Variants in BRD7 observed in about 807,000 individuals in gnomAD.
BRD7 encodes the protein bromodomain containing 7.
A neutral mutation model predicts 82.1 loss-of-function variants in BRD7; 15 were observed. The ratio of observed to expected loss-of-function variants is 0.18; its 90% CI spans 0.12 to 0.28. BRD7 has a LOEUF of 0.28. BRD7 is among the 10% of genes least tolerant of loss of function. BRD7 has a pLI of 1.00. For missense variants in BRD7, 638 were observed against 779.9 expected (o/e 0.82, Z 2.17); for synonymous variants, 232 against 266.9 (o/e 0.87, Z 1.27).
chr16:50,319,803 C>T lies in BRD7; in HGVS notation c.1900+84G>A, dbSNP rs547022413. The stretch of plus-strand genomic sequence containing the variant: ...GTGGGGTAAATACCAAATCCGAGGT[C>T]CTGATACCAATCTCGGGCAGACACT... On this transcript the variant is annotated intron_variant, in intron 16 of 16. Coordinates refer to ENST00000394688, the MANE Select transcript of BRD7 (RefSeq NM_013263.5). The T allele has an allele frequency of 2.6e-6, 4 of 1,518,032 alleles. No individual in the cohort carries two copies. The East Asian group carries it at 6.8e-5, about 26-fold the overall frequency. 94.0% of individuals were successfully genotyped at this position (1,518,032 alleles called of 1,614,324 possible).
intron 2 of BRD7, among the ~76,000 whole-genome samples, chr16:50,361,627 A>G (rs2038939621): frequency 6.6e-6 from 1 of 152,156 alleles, no homozygotes; most frequent in Admixed American, 6.5e-5. Context: ...CTGTTACCAG[A>G]TTTATGTTAC....
At chr16:50,368,536 G>A (rs559059737) in intron 1 of BRD7, 190 bp downstream of exon 1, 4 of 708,610 alleles carry the variant, frequency 5.6e-6, no homozygotes, top group East Asian at 6.8e-5. Context: ...CACCGGACCA[G>A]GGGGACCCGG....
intron 7 of BRD7, among the ~76,000 whole-genome samples, chr16:50,334,087 AG>A (rs1400272409): frequency 6.6e-6 from 1 of 152,264 alleles, no homozygotes; most frequent in Non-Finnish European, 1.5e-5. Context: ...ACTTGTCACT[AG>A]TTTACTTTCT....
chr16:50,349,520 T>C, intron 5 of BRD7: 1 of 468,918 alleles, frequency 2.1e-6, no homozygotes, highest in Non-Finnish European at 4.4e-6. Flanking sequence ...CCAGTACGAT[T>C]GTAAGTTTCC....
At chr16:50,355,043 A>G in intron 2 of BRD7, 121 bp from the exon 3 acceptor site, 8 of 1,227,828 alleles carry the variant, frequency 6.5e-6, no homozygotes, top group Non-Finnish European at 9.0e-6. Context: ...TAACAAGCTC[A>G]ATGTACTTTA....
chr16:50,368,646 G>GC, intron 1 of BRD7, 80 bp downstream of exon 1: 1 of 1,443,400 alleles, frequency 6.9e-7, no homozygotes. Context: ...GCCCCGGGCC[G>GC]CCCCGGAGCC....
intron 1 of BRD7, 103 bp from the exon 2 acceptor site, chr16:50,368,401 C>G (rs1378018875): frequency 1.6e-6 from 2 of 1,229,752 alleles, no homozygotes; most frequent in Non-Finnish European, 2.2e-6. Context: ...AAGCCCGAGG[C>G]GGCTTTGGGC....
chr16:50,323,625 TTG>T lies in BRD7; in HGVS notation c.1403_1404del (p.Thr468LysfsTer17). 1 of 1,613,888 alleles carries T rather than the reference TTG, an allele frequency of 6.2e-7. No individual in the cohort carries two copies. The highest frequency in any genetic ancestry group is 8.5e-7 in the Non-Finnish European group (1 of 1,179,764). On this transcript the variant is annotated frameshift_variant, in exon 12 of 17. Transcript: ENST00000394688. LOFTEE classifies it high-confidence loss of function. Reference protein sequence around the residue: ...VMADSLLDVLTKGGHSRTLQE... With the variant: ...VMADSLLDVLXKGGHSRTLQE... ...TGTAGGGTCCTGGAATGCCCTCCTT[TTG>T]TTAAAACATCCAGTAAACTATCTGC...
Position 50,368,786 on chromosome 16 carries a change from C to T in BRD7, c.-12G>A. 2.6e-6 allele frequency: 4 copies of T among 1,525,898 alleles called. No homozygotes were observed. Among genetic ancestry groups the T allele is most frequent in the Non-Finnish European group, 3.5e-6 (4 of 1,136,234 alleles). The allele number at this position is 1,525,898 out of a possible 1,614,324, so 94.5% of individuals were successfully genotyped here. ...TGCTTCTTGCCCATGTCCGACCGGGCCCCGGTGCCCGCCCCCCGCGCCAGG... is the reference window on the plus strand; with the variant it reads ...TGCTTCTTGCCCATGTCCGACCGGGTCCCGGTGCCCGCCCCCCGCGCCAGG... On this transcript the variant is annotated 5_prime_UTR_variant, in exon 1 of 17. Coordinates refer to ENST00000394688, the MANE Select transcript of BRD7 (RefSeq NM_013263.5).
chr16:50,323,495 A>G, intron 12 of BRD7, 92 bp downstream of exon 12: 1 of 1,082,896 alleles, frequency 9.2e-7, no homozygotes. Flanking sequence ...TTCAGCTGTC[A>G]TACTTGTTAA....
chr16:50,338,614 C>T (rs1405599789), intron 6 of BRD7, among the ~76,000 whole-genome samples: 1 of 152,240 alleles, frequency 6.6e-6, no homozygotes, highest in Non-Finnish European at 1.5e-5. Flanking sequence ...GTCTTATACC[C>T]ACTCATTTCT....
rs1000149866 is a variant in BRD7 at position 50,368,898 on chromosome 16, G to C, written c.-124C>G. On this transcript the variant is annotated 5_prime_UTR_variant, in exon 1 of 17. Transcript: ENST00000394688. Reference sequence around the variant, plus strand: ...CGCGAGACCCCGCGCCGCGAGGCAGGGGGGCGGCGCGCGCCGGGCGGCGCG... The same window carrying C: ...CGCGAGACCCCGCGCCGCGAGGCAGCGGGGCGGCGCGCGCCGGGCGGCGCG... The C allele has an allele frequency of 1.2e-5, 6 of 487,956 alleles. No homozygotes were observed. The highest frequency in any genetic ancestry group is 8.5e-5 in the South Asian group (1 of 11,832). 30.2% of individuals were successfully genotyped at this position (487,956 alleles called of 1,614,324 possible).
chr16:50,328,575 C>A lies in BRD7; in HGVS notation c.1087+94G>T, dbSNP rs1450565896. The A allele has an allele frequency of 2.9e-6, 3 of 1,037,800 alleles. No individual in the cohort carries two copies. In the African/African-American group the frequency reaches 4.8e-5, roughly 16 times the overall value. 64.3% of individuals were successfully genotyped at this position (1,037,800 alleles called of 1,614,324 possible). A position where few individuals can be genotyped will look rare whatever the true frequency, so the allele number is the denominator to read the frequency against. On this transcript the variant is annotated intron_variant, in intron 9 of 16. Coordinates refer to ENST00000394688, the MANE Select transcript of BRD7 (RefSeq NM_013263.5). ...TTTGTGCATAATGACACAGACTGAT[C>A]AATATTCAAGCTTGTTGCTTTAAAA...
intron 5 of BRD7, among the ~76,000 whole-genome samples, chr16:50,343,331 T>C (rs1287094869): frequency 3.3e-5 from 5 of 152,180 alleles, no homozygotes; most frequent in Non-Finnish European, 7.4e-5. Flanking sequence ...TGAAAGTGTG[T>C]AGTGATAGGT....
intron 5 of BRD7, among the ~76,000 whole-genome samples, chr16:50,344,596 T>C (rs9930316): frequency 0.22 from 34,060 of 152,138 alleles, 4,243 homozygotes; most frequent in African/African-American, 0.31. Flanking sequence ...CTGAAAATCA[T>C]GGCACGAGGA....
In BRD7 at chr16:50,320,016, T is replaced by C; in HGVS notation, c.1771A>G (p.Asn591Asp). ...TGCTGTGCAAGTTCTTTAAGATTAT[T>C]GGTCACTTGTTCAGCTAAAAAGAAA... ...REMHLAEQVT[N>D]NLKELAQQVT... The change falls in exon 16 of 17, where the codon AAT becomes GAT. Residue 591 changes from asparagine (N) to aspartate (D), a missense_variant. Physicochemically the swap from Asn to Asp is conservative, Grantham distance 23. Around this residue, in one of 3 missense-constraint regions of BRD7, gnomAD observed 402 missense variants for 500.8 expected, o/e 0.80. Transcript: ENST00000394688. The C allele has an allele frequency of 1.9e-6, 3 of 1,609,168 alleles. No homozygotes were observed. The highest frequency in any genetic ancestry group is 1.3e-5 in the African/African-American group (1 of 74,604).
intron 8 of BRD7, among the ~76,000 whole-genome samples, chr16:50,330,211 T>C (rs1455104007): frequency 1.3e-5 from 2 of 152,184 alleles, no homozygotes; most frequent in Non-Finnish European, 2.9e-5. Context: ...TGGGGTGATC[T>C]AAAACCTGCC....
At chr16:50,361,060 T>A (rs1348139879) in intron 2 of BRD7, among the ~76,000 whole-genome samples, 2 of 152,224 alleles carry the variant, frequency 1.3e-5, no homozygotes, top group Non-Finnish European at 2.9e-5. Context: ...TACCTCATAC[T>A]CTGTGGCTCA....
At chr16:50,354,979 A>G in intron 2 of BRD7, 57 bp from the exon 3 acceptor site, 1 of 1,567,668 alleles carries the variant, frequency 6.4e-7, no homozygotes, top group Non-Finnish European at 8.7e-7. Context: ...ATCTTTAAAT[A>G]CATAAATCAT....
Sources: allele counts gnomAD v4.1 joint callset (sites outside exome capture counted in the v4.1 genomes callset), GRCh38; gene constraint gnomAD v4.1.1; regional missense constraint gnomAD v4.1.1; transcripts MANE v1.5; gene names NCBI Gene and HGNC (gene_info 2026-07-23, HGNC 2026-07-21).